The following RPH3A variants were observed in gnomAD, a reference collection of about 807,000 sequenced individuals.
RPH3A encodes rabphilin 3A.
A neutral mutation model predicts 102.2 loss-of-function variants in RPH3A; 48 were observed. The observed-to-expected ratio is 0.47, with a 90% CI of 0.37 to 0.60. The LOEUF (loss-of-function observed/expected upper bound fraction) is 0.60. Among genes scored for constraint, RPH3A ranks in the 20% least tolerant of loss-of-function variants. The pLI is 0.00. For synonymous variants in RPH3A, 310 were observed against 324.3 expected (o/e 0.96, Z 0.47); for missense variants, 781 against 910.1 (o/e 0.86, Z 1.83).
chr12:112,644,124 A>G (rs1208685327), intron 1 of RPH3A, among the ~76,000 whole-genome samples: 1 of 152,228 alleles, frequency 6.6e-6, no homozygotes, highest in African/African-American at 2.4e-5. Context: ...GAGTGGAATA[A>G]TAAACACTGG....
chr12:112,722,951 C>A (rs1281634558), intron 1 of RPH3A, among the ~76,000 whole-genome samples: 1 of 152,158 alleles, frequency 6.6e-6, no homozygotes, highest in South Asian at 2.1e-4. Context: ...TAAATTGAAC[C>A]TTAACTGATA....
intron 1 of RPH3A, among the ~76,000 whole-genome samples, chr12:112,627,856 T>C (rs991627739): frequency 4.0e-5 from 6 of 151,474 alleles, no homozygotes; most frequent in African/African-American, 1.5e-4. Flanking sequence ...AGAAAAGAGG[T>C]TTACTTGGCT....
intron 1 of RPH3A, among the ~76,000 whole-genome samples, chr12:112,598,107 G>A (rs2039531289): frequency 6.6e-6 from 1 of 152,192 alleles, no homozygotes; most frequent in South Asian, 2.1e-4. Flanking sequence ...GTTGCTGAGG[G>A]CAACCGTGCT....
chr12:112,825,725 G>A (rs1198175142), intron 2 of RPH3A, among the ~76,000 whole-genome samples: 1 of 152,024 alleles, frequency 6.6e-6, no homozygotes, highest in Non-Finnish European at 1.5e-5. Context: ...TGAACAAAAC[G>A]GAAAAAGTTC....
At chr12:112,713,020 TTCC>T (rs201916387) in intron 1 of RPH3A, among the ~76,000 whole-genome samples, 5,215 of 78,328 alleles carry the variant, frequency 0.067, 727 homozygotes, top group African/African-American at 0.24. Context: ...CCTCTTCCTC[TTCC>T]TCTTCTTCTT....
intron 1 of RPH3A, among the ~76,000 whole-genome samples, chr12:112,678,579 T>C (rs1045035876): frequency 1.3e-5 from 2 of 152,128 alleles, no homozygotes; most frequent in Admixed American, 1.3e-4. Context: ...CATTTATTTA[T>C]TCCTGCTTGG....
At chr12:112,587,446 G>A (rs2039447046) in intron 1 of RPH3A, among the ~76,000 whole-genome samples, 1 of 152,138 alleles carries the variant, frequency 6.6e-6, no homozygotes, top group African/African-American at 2.4e-5. Context: ...ATGTGATCTT[G>A]GATAATTGCT....
Position 112,725,051 on chromosome 12 carries a change from C to T in RPH3A, c.-139-67092C>T, listed in dbSNP as rs184280783. Among the ~76,000 whole-genome samples the T allele has an allele frequency of 1.7e-3, 256 of 151,604 alleles. 3 individuals are homozygous for T. The highest frequency in any genetic ancestry group is 0.014 in the Middle Eastern group (4 of 294). On this transcript the variant is annotated intron_variant, in intron 1 of 21. Transcript: ENST00000543106. ...ATCACCTGAGGTCAGGAGTTTGAGACCAGCCTGGCCAACATGGTGAAACCC... is the reference window on the plus strand; with the variant it reads ...ATCACCTGAGGTCAGGAGTTTGAGATCAGCCTGGCCAACATGGTGAAACCC...
intron 1 of RPH3A, among the ~76,000 whole-genome samples, chr12:112,740,802 A>G (rs2136054559): frequency 6.6e-6 from 1 of 152,332 alleles, no homozygotes; most frequent in South Asian, 2.1e-4. Flanking sequence ...GACCTTGACC[A>G]TTAGTGCTAA....
chr12:112,698,829 TCTC>T (rs1396586102), intron 1 of RPH3A, among the ~76,000 whole-genome samples: 1 of 151,354 alleles, frequency 6.6e-6, no homozygotes, highest in Non-Finnish European at 1.5e-5. Context: ...TTCTCCTACT[TCTC>T]CTTCCCCTTT....
chr12:112,823,712 G>A (rs1227955711), intron 2 of RPH3A, among the ~76,000 whole-genome samples: 1 of 152,112 alleles, frequency 6.6e-6, no homozygotes, highest in African/African-American at 2.4e-5. Flanking sequence ...GGTGCTCCCT[G>A]GGCCTCAGGC....
At chr12:112,841,758 G>T (rs1271669091) in intron 4 of RPH3A, among the ~76,000 whole-genome samples, 1 of 149,946 alleles carries the variant, frequency 6.7e-6, no homozygotes, top group Non-Finnish European at 1.5e-5. Context: ...TTCTGGTCTG[G>T]GGTTAGTGTA....
intron 1 of RPH3A, among the ~76,000 whole-genome samples, chr12:112,778,493 G>A (rs1365840469): frequency 6.6e-6 from 1 of 152,190 alleles, no homozygotes; most frequent in Non-Finnish European, 1.5e-5. Context: ...GGAAATGTAT[G>A]AATTTAATTT....
At chr12:112,795,986 T>C (rs528366553) in intron 2 of RPH3A, among the ~76,000 whole-genome samples, 16 of 152,296 alleles carry the variant, frequency 1.1e-4, no homozygotes, top group African/African-American at 3.6e-4. Context: ...TGTAGCTGTA[T>C]GACTCACAAG....
At chr12:112,709,285 C>T (rs2040444387) in intron 1 of RPH3A, among the ~76,000 whole-genome samples, 1 of 152,180 alleles carries the variant, frequency 6.6e-6, no homozygotes, top group Admixed American at 6.5e-5. Context: ...AGAAGTGGCT[C>T]ATGCCTGTAA....
At chr12:112,664,705 C>T (rs1239399475) in intron 1 of RPH3A, among the ~76,000 whole-genome samples, 2 of 152,062 alleles carry the variant, frequency 1.3e-5, no homozygotes, top group Non-Finnish European at 2.9e-5. Context: ...GAGAGGTCAT[C>T]CGCTGGTAAC....
rs143758997 is a variant in RPH3A at position 112,875,087 on chromosome 12, T to C, written c.800T>C (p.Leu267Ser). The stretch of plus-strand genomic sequence containing the variant: ...TTTTCTTTTCTTTCCTCTGCAGGTT[T>C]GAGACGGGCCAACTCAGTCCAGGCC... Reference protein sequence around the residue: ...AGDSSRSPAGLRRANSVQASR... With the variant: ...AGDSSRSPAGSRRANSVQASR... The change falls in exon 11 of 22, where the codon TTG (leucine) becomes TCG (serine). Residue 267 changes from leucine (L) to serine (S), a missense_variant. Physicochemically the swap from Leu to Ser is moderately radical, Grantham distance 145. Around this residue, in one of 2 missense-constraint regions of RPH3A, gnomAD observed 730 missense variants for 810.0 expected, o/e 0.90. Coordinates refer to ENST00000389385, the MANE Select transcript of RPH3A (RefSeq NM_001143854.2). The C allele has an allele frequency of 5.7e-4, 916 of 1,607,472 alleles. 8 individuals carry two copies. The African/African-American group carries it at 7.2e-3, about 13-fold the overall frequency.
chr12:112,671,894 C>A (rs2040133972), intron 1 of RPH3A, among the ~76,000 whole-genome samples: 1 of 151,338 alleles, frequency 6.6e-6, no homozygotes, highest in African/African-American at 2.4e-5. Context: ...CACACACACC[C>A]CAATAGGATA....
chr12:112,865,593 G>T (rs1304794848), intron 6 of RPH3A, 50 bp downstream of exon 6: 2 of 1,585,658 alleles, frequency 1.3e-6, no homozygotes, highest in Non-Finnish European at 1.7e-6. Flanking sequence ...CTGCAGAGGG[G>T]AAAGTCCTAG....
Sources: gnomAD v4.1 joint callset for allele counts (sites outside exome capture counted in the v4.1 genomes callset) on GRCh38, gnomAD v4.1.1 for gene constraint, gnomAD v4.1.1 regional missense constraint, MANE v1.5 for transcripts, NCBI Gene and HGNC (gene_info 2026-07-23, HGNC 2026-07-21) for gene names.